The following SLC35D4 variants were observed in gnomAD, a reference collection of about 807,000 sequenced individuals.
The protein encoded by SLC35D4 is solute carrier family 35 member D4.
the SLC35D4 span, among the ~76,000 whole-genome samples, chr18:23,302,652 T>C: frequency 6.6e-6 from 1 of 152,222 alleles, no homozygotes. Flanking sequence ...AGTCAGGGAA[T>C]GTGCCTTGCT....
At chr18:23,330,330 C>T in the SLC35D4 span, among the ~76,000 whole-genome samples, 2 of 151,928 alleles carry the variant, frequency 1.3e-5, no homozygotes, top group Non-Finnish European at 2.9e-5. Context: ...TGGTAGAGTC[C>T]CATAAGCTTT....
At chr18:23,352,321 G>A in the SLC35D4 span, 4,711 of 1,577,544 alleles carry the variant, frequency 3.0e-3, 131 homozygotes, top group African/African-American at 0.057. Context: ...TTGTTAGTGA[G>A]GCTTGTCTTC....
chr18:23,356,930 C>T, the SLC35D4 span, among the ~76,000 whole-genome samples: 1 of 152,208 alleles, frequency 6.6e-6, no homozygotes, highest in Non-Finnish European at 1.5e-5. This position sits in a 1 kb window ranked among gnomAD's most constrained non-coding sequence, Gnocchi z 4.1. Flanking sequence ...TTATCTCTTT[C>T]AATCTTAGTA....
the SLC35D4 span, among the ~76,000 whole-genome samples, chr18:23,367,522 G>A: frequency 1.3e-5 from 2 of 152,058 alleles, no homozygotes; most frequent in African/African-American, 2.4e-5. Context: ...AAGATGAATG[G>A]GGCTCACACC....
chr18:23,346,894 C>A, the SLC35D4 span, among the ~76,000 whole-genome samples: 1 of 152,090 alleles, frequency 6.6e-6, no homozygotes, highest in African/African-American at 2.4e-5. Context: ...GTGTATAATT[C>A]TTTTTATATG....
chr18:23,414,774 G>A, the SLC35D4 span, among the ~76,000 whole-genome samples: 10 of 152,022 alleles, frequency 6.6e-5, no homozygotes, highest in Non-Finnish European at 1.5e-4. Context: ...CCAGGAGTTT[G>A]ACGCCATCAT....
At chr18:23,399,525 A>G in the SLC35D4 span, 1 of 1,582,552 alleles carries the variant, frequency 6.3e-7, no homozygotes, top group South Asian at 1.1e-5. Flanking sequence ...CAAAGGGGAA[A>G]GGGAGAGAGG....
chr18:23,373,806 A>G, the SLC35D4 span: 2 of 1,601,710 alleles, frequency 1.2e-6, no homozygotes, highest in Admixed American at 3.4e-5. Context: ...ACCTTTCAAC[A>G]TCAAAGGTTT....
chr18:23,429,414 C>T, the SLC35D4 span, among the ~76,000 whole-genome samples: 3 of 152,112 alleles, frequency 2.0e-5, no homozygotes, highest in Non-Finnish European at 2.9e-5. Flanking sequence ...TGGAGTACAA[C>T]GGTGCAATCT....
At chr18:23,405,952 T>C in the SLC35D4 span, among the ~76,000 whole-genome samples, 1 of 152,200 alleles carries the variant, frequency 6.6e-6, no homozygotes, top group Non-Finnish European at 1.5e-5. Flanking sequence ...AGAGACAAGG[T>C]AAAGACATGA....
chr18:23,399,772 G>A, the SLC35D4 span: 2 of 835,324 alleles, frequency 2.4e-6, no homozygotes, highest in African/African-American at 1.7e-5. Flanking sequence ...ATCCCTGGCA[G>A]ACTTGTTAAG....
chr18:23,396,788 G>T, the SLC35D4 span, among the ~76,000 whole-genome samples: 1 of 152,056 alleles, frequency 6.6e-6, no homozygotes, highest in Non-Finnish European at 1.5e-5. Flanking sequence ...CACTCAAAGT[G>T]CTGGTCCTCG....
At chr18:23,358,206 G>C in the SLC35D4 span, among the ~76,000 whole-genome samples, 1 of 152,214 alleles carries the variant, frequency 6.6e-6, no homozygotes, top group South Asian at 2.1e-4. Context: ...CTCAGTGTGA[G>C]AGGAACTGCA....
At chr18:23,382,164 C>T in the SLC35D4 span, among the ~76,000 whole-genome samples, 4 of 146,596 alleles carry the variant, frequency 2.7e-5, no homozygotes, top group Middle Eastern at 3.6e-3. Flanking sequence ...CGCTTGAACC[C>T]GGGCAGCGTA....
chr18:23,253,880 T>C, the SLC35D4 span: 4 of 1,614,102 alleles, frequency 2.5e-6, no homozygotes, highest in African/African-American at 1.3e-5. Flanking sequence ...ATGTGTGCTG[T>C]TAGCAGCCAA....
chr18:23,374,287 A>G, the SLC35D4 span, among the ~76,000 whole-genome samples: 2 of 152,208 alleles, frequency 1.3e-5, no homozygotes, highest in Admixed American at 1.3e-4. Flanking sequence ...GCTCGGAAGG[A>G]CACAACATCA....
chr18:23,313,077 A>G, the SLC35D4 span, among the ~76,000 whole-genome samples: 25 of 138,678 alleles, frequency 1.8e-4, no homozygotes, highest in Non-Finnish European at 3.5e-4. Flanking sequence ...CAGTGAGCCG[A>G]GATCACGCCA....
the SLC35D4 span, among the ~76,000 whole-genome samples, chr18:23,261,769 T>G: frequency 6.6e-6 from 1 of 152,238 alleles, no homozygotes; most frequent in Non-Finnish European, 1.5e-5. Context: ...GTGAGATGAT[T>G]CAGCCTAGCA....
the SLC35D4 span, among the ~76,000 whole-genome samples, chr18:23,278,677 A>G: frequency 6.6e-6 from 1 of 152,122 alleles, no homozygotes; most frequent in African/African-American, 2.4e-5. Flanking sequence ...AGCATGATCT[A>G]AGTAGCCATG....
Sources: gnomAD v4.1 joint callset for allele counts (sites outside exome capture counted in the v4.1 genomes callset) on GRCh38, gnomAD v4.1.1 for gene constraint, Gnocchi (gnomAD v3.1) non-coding constraint, MANE v1.5 for transcripts, NCBI Gene and HGNC (gene_info 2026-07-23, HGNC 2026-07-21) for gene names.